ROBO2: variants seen among roughly 807,000 people sequenced by gnomAD.
ROBO2 encodes roundabout guidance receptor 2, also known as roundabout homolog 2.
A neutral mutation model predicts 160.8 loss-of-function variants in ROBO2; 53 were observed. The ratio of observed to expected loss-of-function variants is 0.33; its 90% confidence interval spans 0.26 to 0.41. The LOEUF (loss-of-function observed/expected upper bound fraction) is 0.41, where lower values mean the gene tolerates loss of function less well. Among genes scored for constraint, ROBO2 ranks in the 10% least tolerant of loss-of-function variants. The pLI, the probability that ROBO2 is intolerant of heterozygous loss-of-function variation, is 1.00. For missense variants in ROBO2, 1,577 were observed against 1,722.4 expected (o/e 0.92, Z 1.49); for synonymous variants, 664 against 611.7 (o/e 1.09, Z -1.26).
intron 2 of ROBO2, among the ~76,000 whole-genome samples, chr3:76,810,455 A>G (rs187620563): frequency 3.3e-5 from 5 of 152,326 alleles, no homozygotes; most frequent in Admixed American, 2.0e-4. Context: ...AAAAAAGATG[A>G]CATTTGGGAA....
chr3:77,537,946 G>A (rs2092238438), intron 6 of ROBO2, among the ~76,000 whole-genome samples: 1 of 151,940 alleles, frequency 6.6e-6, no homozygotes, highest in Admixed American at 6.6e-5. Context: ...ATTGTGGGAG[G>A]TACAGTTCAA....
At chr3:77,156,186 C>A (rs1348622385) in intron 2 of ROBO2, among the ~76,000 whole-genome samples, 1 of 152,026 alleles carries the variant, frequency 6.6e-6, no homozygotes, top group Admixed American at 6.6e-5. Flanking sequence ...CTTCTCCTTT[C>A]AAATCCAAGG....
At chr3:76,712,674 C>CA (rs1007829953) in intron 2 of ROBO2, among the ~76,000 whole-genome samples, 26 of 144,494 alleles carry the variant, frequency 1.8e-4, no homozygotes, top group East Asian at 1.4e-3. Flanking sequence ...GATGCCGTCT[C>CA]AAAAAAAAAA....
chr3:77,639,337 T>TA (rs1343320692), intron 24 of ROBO2, among the ~76,000 whole-genome samples: 1 of 152,050 alleles, frequency 6.6e-6, no homozygotes, highest in Non-Finnish European at 1.5e-5. Flanking sequence ...GGAAGATAGA[T>TA]AAAGACCAAC....
At chr3:76,604,201 T>TGCTGTGTGTCTATA (rs1321282796) in intron 2 of ROBO2, among the ~76,000 whole-genome samples, 1 of 152,186 alleles carries the variant, frequency 6.6e-6, no homozygotes, top group Non-Finnish European at 1.5e-5. Context: ...AGATAGAAAT[T>TGCTGTGTGTCTATA]GCTGTGTGTC....
intron 2 of ROBO2, among the ~76,000 whole-genome samples, chr3:77,165,605 T>A (rs1478162398): frequency 6.6e-6 from 1 of 152,186 alleles, no homozygotes; most frequent in Non-Finnish European, 1.5e-5. Flanking sequence ...GTTGATATAT[T>A]CATTAGTTGT....
intron 1 of ROBO2, among the ~76,000 whole-genome samples, chr3:77,050,568 GTT>G (rs57810780): frequency 3.7e-4 from 54 of 144,332 alleles, no homozygotes; most frequent in East Asian, 1.2e-3. Flanking sequence ...GCTTTTGTGT[GTT>G]TTTTTTTTTT....
At chr3:77,239,337 T>C (rs148847370) in intron 2 of ROBO2, among the ~76,000 whole-genome samples, 324 of 151,640 alleles carry the variant, frequency 2.1e-3, no homozygotes, top group African/African-American at 7.6e-3. Context: ...CCGTCCAGAG[T>C]TGTTCATTCC....
chr3:77,193,461 T>TTTTTTTTG (rs1296731046), intron 2 of ROBO2, among the ~76,000 whole-genome samples: 3,961 of 148,232 alleles, frequency 0.027, 72 homozygotes, highest in Middle Eastern at 0.047. Flanking sequence ...TTTTTTTTTT[T>TTTTTTTTG]TAAAGACAGG....
At chr3:77,067,613 C>G (rs141680795) in intron 1 of ROBO2, among the ~76,000 whole-genome samples, 1 of 152,042 alleles carries the variant, frequency 6.6e-6, no homozygotes, top group African/African-American at 2.4e-5. Flanking sequence ...TAGCTAACAC[C>G]GTGCTTGATA....
At chr3:76,717,612 T>C (rs2093402775) in intron 2 of ROBO2, among the ~76,000 whole-genome samples, 1 of 152,058 alleles carries the variant, frequency 6.6e-6, no homozygotes, top group South Asian at 2.1e-4. Flanking sequence ...GTGCTTCAGG[T>C]AGGCGATCAA....
At chr3:76,185,215 T>TATATATATATATATATACAC in intron 2 of ROBO2, among the ~76,000 whole-genome samples, 4,253 of 90,120 alleles carry the variant, frequency 0.047, 265 homozygotes, top group Non-Finnish European at 0.07. Flanking sequence ...TATATATATA[T>TATATATATATATATATACAC]ACACACACAA....
chr3:76,831,903 G>A (rs1218939451), intron 2 of ROBO2, among the ~76,000 whole-genome samples: 3 of 152,176 alleles, frequency 2.0e-5, no homozygotes, highest in African/African-American at 7.2e-5. Context: ...TGTCCTGACT[G>A]ACTTAGGCTA....
At chr3:77,608,811 G>C (rs1358828651) in intron 21 of ROBO2, among the ~76,000 whole-genome samples, 1 of 151,410 alleles carries the variant, frequency 6.6e-6, no homozygotes, top group Non-Finnish European at 1.5e-5. Flanking sequence ...TCTTTTCACA[G>C]GATTTTTTTT....
intron 2 of ROBO2, among the ~76,000 whole-genome samples, chr3:76,750,017 T>A (rs958932972): frequency 4.6e-5 from 7 of 152,014 alleles, no homozygotes; most frequent in Non-Finnish European, 8.8e-5. Context: ...TAGACCAATA[T>A]CCCTGATGAA....
chr3:77,374,281 G>A (rs2072313624), intron 2 of ROBO2, among the ~76,000 whole-genome samples: 1 of 143,810 alleles, frequency 7.0e-6, no homozygotes, highest in African/African-American at 2.6e-5. Flanking sequence ...TTTTTTTGGT[G>A]TTTTCAACAA....
intron 2 of ROBO2, among the ~76,000 whole-genome samples, chr3:75,943,784 C>T (rs1190126296): frequency 1.3e-5 from 2 of 152,038 alleles, no homozygotes; most frequent in South Asian, 2.1e-4. Context: ...TCACTGCAGC[C>T]TCCACCTCCC....
chr3:77,182,550 G>A (rs886971183), intron 2 of ROBO2, among the ~76,000 whole-genome samples: 2 of 152,044 alleles, frequency 1.3e-5, no homozygotes, highest in African/African-American at 4.8e-5. Flanking sequence ...ACATGAAAGA[G>A]CACTAGTCCA....
At chr3:76,453,580 C>G (rs2077589017) in intron 2 of ROBO2, among the ~76,000 whole-genome samples, 1 of 152,120 alleles carries the variant, frequency 6.6e-6, no homozygotes, top group African/African-American at 2.4e-5. Context: ...GTTACTGTAG[C>G]CTTGTAGTAT....
Sources: allele counts gnomAD v4.1 joint callset (sites outside exome capture counted in the v4.1 genomes callset), GRCh38; gene constraint gnomAD v4.1.1; transcripts MANE v1.5; gene names NCBI Gene and HGNC (gene_info 2026-07-23, HGNC 2026-07-21).